Variants in HSF5 observed in about 807,000 individuals in gnomAD.
The protein encoded by HSF5 is heat shock transcription factor 5, also known as heat shock factor protein 5.
Under a neutral mutation model 50.8 loss-of-function variants are expected in HSF5, and 5 were observed. The observed-to-expected ratio is 0.10, with a 90% CI of 0.05 to 0.21. HSF5 has a LOEUF of 0.21. Among genes scored for constraint, HSF5 ranks in the 10% least tolerant of loss-of-function variants. The pLI, the probability that HSF5 is intolerant of heterozygous loss-of-function variation, is 1.00. For synonymous variants in HSF5, 307 were observed against 307.4 expected (o/e 1.00, Z 0.02); for missense variants, 564 against 762.6 (o/e 0.74, Z 3.07).
chr17:58,454,043 G>A (rs981501134), intron 5 of HSF5, among the ~76,000 whole-genome samples: 10 of 151,956 alleles, frequency 6.6e-5, no homozygotes, highest in East Asian at 3.9e-4. Flanking sequence ...GCAGTGAGCC[G>A]AGATTGCGCC....
chr17:58,451,481 G>A (rs919376728), intron 5 of HSF5, among the ~76,000 whole-genome samples: 1 of 152,142 alleles, frequency 6.6e-6, no homozygotes, highest in Non-Finnish European at 1.5e-5. Flanking sequence ...CTGAAATTAC[G>A]TCAAATATCT....
At chr17:58,446,757 T>C (rs1418049067) in intron 5 of HSF5, among the ~76,000 whole-genome samples, 1 of 152,168 alleles carries the variant, frequency 6.6e-6, no homozygotes. Flanking sequence ...CAATACCAGT[T>C]GCAGTAGCTA....
chr17:58,451,688 C>T (rs1974643468), intron 5 of HSF5, among the ~76,000 whole-genome samples: 2 of 152,068 alleles, frequency 1.3e-5, no homozygotes, highest in South Asian at 4.1e-4. Context: ...ACAGCAAATG[C>T]TGTCCTACGA....
chr17:58,472,531 T>C (rs956838351), intron 2 of HSF5, among the ~76,000 whole-genome samples: 1 of 152,216 alleles, frequency 6.6e-6, no homozygotes, highest in East Asian at 1.9e-4. Context: ...ATCCTTTACA[T>C]GTAAATAGTG....
At chr17:58,466,481 T>C (rs978167500) in intron 3 of HSF5, among the ~76,000 whole-genome samples, 2 of 152,230 alleles carry the variant, frequency 1.3e-5, no homozygotes, top group African/African-American at 4.8e-5. Flanking sequence ...TCAGTACCCA[T>C]AAGCCATATG....
At chr17:58,474,195 T>C (rs1974982801) in intron 2 of HSF5, among the ~76,000 whole-genome samples, 1 of 152,244 alleles carries the variant, frequency 6.6e-6, no homozygotes, top group Non-Finnish European at 1.5e-5. Context: ...CTACTTTTTA[T>C]TTCCTTCATC....
chr17:58,462,837 G>A lies in HSF5; in HGVS notation c.1487C>T (p.Pro496Leu). The A allele has an allele frequency of 6.2e-7, 1 of 1,613,794 alleles. No homozygotes were observed. Among genetic ancestry groups the A allele is most frequent in the Non-Finnish European group, 8.5e-7 (1 of 1,179,812 alleles). ...CACAAATACTACTGAAGATGGAGAT[G>A]GATTATGATTTAGGTGCTCCTTCAG... ...VKLKEHLNHN[P>L]SPSSVVFVQE... Residue 496 changes from proline to leucine, a missense_variant, in exon 4 of 6, where the codon CCA (proline) becomes CTA (leucine). This residue lies in a region of HSF5 where 441 missense variants were observed against 533.6 expected (regional missense o/e 0.83). Coordinates refer to ENST00000323777, the MANE Select transcript of HSF5 (RefSeq NM_001080439.3).
intron 2 of HSF5, among the ~76,000 whole-genome samples, chr17:58,468,311 T>G (rs924876823): frequency 6.6e-6 from 1 of 152,084 alleles, no homozygotes; most frequent in Non-Finnish European, 1.5e-5. Context: ...GGTGGGAGGA[T>G]CACTTGAGCC....
chr17:58,480,117 G>A lies in HSF5; in HGVS notation c.701C>T (p.Ser234Phe). 1 of 1,614,164 alleles carries A rather than the reference G, an allele frequency of 6.2e-7. No homozygotes were observed. The highest frequency in any genetic ancestry group is 8.5e-7 in the Non-Finnish European group (1 of 1,180,014). The stretch of plus-strand genomic sequence containing the variant: ...CACTTGTCCAGGATGCATTCCAAGG[G>A]AGTTCTGCCATATTCTATGAGGAAC... ...TPVPHRIWQN[S>F]LGMHPGQVET... The change falls in exon 2 of 6, where the codon TCC (serine) becomes TTC (phenylalanine). Residue 234 changes from serine (S) to phenylalanine (F), a missense_variant. By Grantham distance (155) the Ser-to-Phe change is radical (BLOSUM62 -2). Transcript: ENST00000323777.
At chr17:58,466,728 T>TC (rs1974872633) in intron 3 of HSF5, among the ~76,000 whole-genome samples, 157 bp downstream of exon 3, 1 of 152,074 alleles carries the variant, frequency 6.6e-6, no homozygotes, top group Admixed American at 6.6e-5. Flanking sequence ...TTATATCAAT[T>TC]CTCTCTTTTT....
intron 5 of HSF5, among the ~76,000 whole-genome samples, chr17:58,425,541 C>T (rs1357209953): frequency 1.5e-5 from 2 of 133,094 alleles, no homozygotes; most frequent in South Asian, 2.4e-4. Context: ...AGCCACTGCA[C>T]TCCAGCCTGG....
chr17:58,430,879 G>A (rs183405598), intron 5 of HSF5, among the ~76,000 whole-genome samples: 3 of 152,224 alleles, frequency 2.0e-5, no homozygotes, highest in Admixed American at 2.0e-4. Context: ...TTTTGTCCCC[G>A]CACAAATATC....
chr17:58,439,026 G>A (rs1974463996), intron 5 of HSF5, among the ~76,000 whole-genome samples: 1 of 151,898 alleles, frequency 6.6e-6, no homozygotes, highest in Non-Finnish European at 1.5e-5. Context: ...GGGGGGTTGG[G>A]GGTAGGTTGG....
chr17:58,464,822 AG>A (rs1567914433), intron 3 of HSF5, among the ~76,000 whole-genome samples: 2 of 152,022 alleles, frequency 1.3e-5, no homozygotes, highest in Non-Finnish European at 2.9e-5. Flanking sequence ...TAGTAGAAAC[AG>A]GGTTTCGCCA....
chr17:58,486,519 T>C (rs1975182778), intron 1 of HSF5, among the ~76,000 whole-genome samples: 1 of 152,354 alleles, frequency 6.6e-6, no homozygotes, highest in Admixed American at 6.5e-5. Context: ...GTGAGCTTTC[T>C]AAAATTCTTT....
At chr17:58,482,120 T>C (rs3034938) in intron 1 of HSF5, among the ~76,000 whole-genome samples, 7 of 151,706 alleles carry the variant, frequency 4.6e-5, no homozygotes, top group East Asian at 1.9e-4. Context: ...AATAAATAAA[T>C]AAATAAATAA....
chr17:58,482,041 G>T (rs1350346823), intron 1 of HSF5, among the ~76,000 whole-genome samples: 1 of 152,076 alleles, frequency 6.6e-6, no homozygotes, highest in Non-Finnish European at 1.5e-5. Context: ...GGAGTTCAAG[G>T]TTACAGTGAA....
intron 5 of HSF5, among the ~76,000 whole-genome samples, chr17:58,457,048 CA>C (rs71365890): frequency 0.19 from 29,472 of 151,946 alleles, 2,991 homozygotes; most frequent in Non-Finnish European, 0.21. Flanking sequence ...CACCTGAGGT[CA>C]GGAGTTCAAG....
chr17:58,422,916 G>A (rs1456229589), intron 5 of HSF5, among the ~76,000 whole-genome samples: 3 of 151,936 alleles, frequency 2.0e-5, no homozygotes, highest in African/African-American at 2.4e-5. Context: ...GGCTGGTCTC[G>A]AACTCCTAAC....
Sources: allele counts gnomAD v4.1 joint callset (sites outside exome capture counted in the v4.1 genomes callset), GRCh38; gene constraint gnomAD v4.1.1; regional missense constraint gnomAD v4.1.1; transcripts MANE v1.5; gene names NCBI Gene and HGNC (gene_info 2026-07-23, HGNC 2026-07-21).